The following PHACTR3 variants were observed in gnomAD, a reference collection of about 807,000 sequenced individuals.
The protein encoded by PHACTR3 is protein phosphatase 1, regulatory subunit 123.
PHACTR3 carries 16 observed loss-of-function variants against 66.8 expected under a neutral mutation model. That is an observed-to-expected ratio of 0.24 (90% CI 0.16 to 0.36). PHACTR3 has a LOEUF of 0.36. Among genes scored for constraint, PHACTR3 ranks in the 10% least tolerant of loss-of-function variants. The probability of loss-of-function intolerance (pLI) is 1.00; values close to 1 mark genes in which losing one functional copy is unlikely to be tolerated. For missense variants in PHACTR3, 647 were observed against 719.9 expected, an observed-to-expected ratio of 0.90 and a Z score of 1.16; for synonymous variants, 323 against 292.1, an observed-to-expected ratio of 1.11 and a Z score of -1.08.
chr20:59,818,353 C>G (rs2041941699), intron 8 of PHACTR3, among the ~76,000 whole-genome samples: 1 of 152,184 alleles, frequency 6.6e-6, no homozygotes, highest in Admixed American at 6.5e-5. Flanking sequence ...GGAATCATGC[C>G]TGGCAGAGAG....
In PHACTR3 at chr20:59,755,254, C is replaced by G. The variant is rs780034923; in HGVS notation, c.431C>G (p.Ser144Trp). ...CAGAGTGAACCACCCACTCCCAAGT[C>G]GGAGACGCTGACTTCAGAAGATGCC... ...SVQSEPPTPKSETLTSEDAQP... is the reference protein window; with the variant it reads ...SVQSEPPTPKWETLTSEDAQP... Residue 144 changes from serine to tryptophan, a missense_variant, in exon 4 of 13, where the codon TCG becomes TGG. Transcript: ENST00000371015. The G allele has an allele frequency of 1.9e-6, 3 of 1,613,976 alleles. No individual in the cohort carries two copies. The highest frequency in any genetic ancestry group is 2.2e-5 in the South Asian group (2 of 91,088).
chr20:59,836,643 C>G, intron 9 of PHACTR3, 83 bp downstream of exon 9: 1 of 1,364,262 alleles, frequency 7.3e-7, no homozygotes, highest in Non-Finnish European at 1.0e-6. Context: ...CATAACCCAG[C>G]CCTTCTCTGC....
intron 1 of PHACTR3, among the ~76,000 whole-genome samples, chr20:59,675,054 T>C: frequency 8.8e-6 from 1 of 113,404 alleles, no homozygotes; most frequent in African/African-American, 3.6e-5. Context: ...TCCTCCCTGT[T>C]CCTCCTTTTC....
intron 1 of PHACTR3, among the ~76,000 whole-genome samples, chr20:59,704,415 G>C (rs1161525187): frequency 6.6e-6 from 1 of 152,028 alleles, no homozygotes; most frequent in Non-Finnish European, 1.5e-5. Context: ...AAAGCAACCT[G>C]CTTTCTCTCC....
At chr20:59,642,514 T>C (rs1267541177) in intron 1 of PHACTR3, among the ~76,000 whole-genome samples, 1 of 149,512 alleles carries the variant, frequency 6.7e-6, no homozygotes, top group Non-Finnish European at 1.5e-5. Flanking sequence ...TTGTTCAGCC[T>C]ATATCCTTTA....
intron 1 of PHACTR3, among the ~76,000 whole-genome samples, chr20:59,663,566 A>G (rs564187920): frequency 2.0e-5 from 3 of 152,314 alleles, no homozygotes; most frequent in Admixed American, 6.5e-5. Context: ...TGAAGCTGAC[A>G]TGTAGTCCAG....
rs1313096083 is a variant in PHACTR3 at position 59,829,939 on chromosome 20, G to T, written c.1329-6566G>T. Among the ~76,000 whole-genome samples, 4 of 152,202 alleles carry T rather than the reference G, an allele frequency of 2.6e-5. No individual in the cohort carries two copies. Among genetic ancestry groups the T allele is most frequent in the Non-Finnish European group, 5.9e-5 (4 of 68,026 alleles). ...GGGCTTCATTGGGGAAGCAAAGCTT[G>T]GGGAGCTGGAACTATGCTTCTCCTG... On this transcript the variant is annotated intron_variant, in intron 8 of 12. Transcript: ENST00000371015. The surrounding 1 kb of genome is among the most constrained non-coding windows in gnomAD (Gnocchi z 4.2).
chr20:59,778,485 A>G (rs1462779663), intron 7 of PHACTR3, among the ~76,000 whole-genome samples: 2 of 152,188 alleles, frequency 1.3e-5, no homozygotes, highest in Non-Finnish European at 2.9e-5. Context: ...CGCTCAGTGC[A>G]GGAAGCCACC....
At chr20:59,593,117 A>G (rs1260793513) in intron 1 of PHACTR3, among the ~76,000 whole-genome samples, 1 of 152,256 alleles carries the variant, frequency 6.6e-6, no homozygotes, top group Admixed American at 6.5e-5. Flanking sequence ...TCTCAGCAGC[A>G]GTGAATGTGA....
chr20:59,737,339 C>G (rs1262878370), intron 1 of PHACTR3, among the ~76,000 whole-genome samples: 1 of 152,216 alleles, frequency 6.6e-6, no homozygotes, highest in African/African-American at 2.4e-5. Flanking sequence ...CTATGTCCCC[C>G]TGGCACGTGC....
chr20:59,815,113 G>C (rs972970450), intron 8 of PHACTR3, among the ~76,000 whole-genome samples: 5 of 152,158 alleles, frequency 3.3e-5, no homozygotes, highest in African/African-American at 1.2e-4. Context: ...GAGGGTTCTT[G>C]TTAATGAACA....
chr20:59,768,747 G>A (rs907785209), intron 5 of PHACTR3, among the ~76,000 whole-genome samples: 9 of 152,350 alleles, frequency 5.9e-5, no homozygotes, highest in African/African-American at 2.2e-4. Context: ...TGTTCAATCT[G>A]GAGGGGACTC....
At chr20:59,592,310 G>A (rs1294177725) in intron 1 of PHACTR3, among the ~76,000 whole-genome samples, 1 of 152,076 alleles carries the variant, frequency 6.6e-6, no homozygotes, top group African/African-American at 2.4e-5. Flanking sequence ...TAAGACCAGT[G>A]TTAGGTTCAC....
chr20:59,705,005 G>A (rs1263935504), intron 1 of PHACTR3, among the ~76,000 whole-genome samples: 2 of 147,648 alleles, frequency 1.4e-5, no homozygotes, highest in Non-Finnish European at 3.0e-5. Context: ...CGCCCAGACT[G>A]GAGTGCAGTG....
Position 59,743,035 on chromosome 20 carries a change from A to G in PHACTR3, c.119-72A>G, listed in dbSNP as rs76383609. On this transcript the variant is annotated intron_variant, in intron 1 of 12. Coordinates refer to ENST00000371015, the MANE Select transcript of PHACTR3 (RefSeq NM_080672.5). ...TGGTGACCCCTTAGGGTGAGAGGTC[A>G]TCACCTTGGGCCCCCAGGAGTCACA... is the stretch of plus-strand genomic sequence containing the variant. 5.4e-4 allele frequency: 826 copies of G among 1,533,770 alleles called. 3 individuals are homozygous for G. In the African/African-American group the frequency reaches 0.01, roughly 19 times the overall value.
intron 1 of PHACTR3, among the ~76,000 whole-genome samples, chr20:59,722,320 CTG>C (rs917234377): frequency 8.5e-5 from 13 of 152,110 alleles, no homozygotes; most frequent in African/African-American, 3.1e-4. Context: ...GTGGGCACCT[CTG>C]TGCAGTGGGC....
chr20:59,624,631 C>T (rs1474964964), intron 1 of PHACTR3, among the ~76,000 whole-genome samples: 1 of 152,108 alleles, frequency 6.6e-6, no homozygotes, highest in Non-Finnish European at 1.5e-5. Context: ...CCACCTCAGT[C>T]CCTACCGGAG....
At chr20:59,676,600 G>C in intron 1 of PHACTR3, 2 of 639,418 alleles carry the variant, frequency 3.1e-6, no homozygotes, top group Non-Finnish European at 3.9e-6. Flanking sequence ...CTCAGGGAGC[G>C]GAGCGAGTCC....
intron 8 of PHACTR3, among the ~76,000 whole-genome samples, chr20:59,823,129 C>T (rs945812882): frequency 1.3e-4 from 20 of 152,184 alleles, no homozygotes; most frequent in African/African-American, 2.7e-4. Context: ...GGGAGCATTA[C>T]GTATTCTTTC....
Sources: allele counts gnomAD v4.1 joint callset (sites outside exome capture counted in the v4.1 genomes callset), GRCh38; gene constraint gnomAD v4.1.1; non-coding constraint Gnocchi (gnomAD v3.1); transcripts MANE v1.5; gene names NCBI Gene and HGNC (gene_info 2026-07-23, HGNC 2026-07-21).